Variants in BMPR2 observed in about 807,000 individuals in gnomAD.
BMPR2 encodes bone morphogenetic protein receptor type 2, also known as bone morphogenetic protein receptor type-2.
Under a neutral mutation model 100.8 loss-of-function variants are expected in BMPR2, and 29 were observed. The observed-to-expected ratio is 0.29, with a 90% CI of 0.21 to 0.39. The LOEUF is 0.39. BMPR2 is among the 10% of genes least tolerant of loss of function. The pLI is 1.00. For missense variants in BMPR2, 1,011 were observed against 1,274.5 expected (o/e 0.79, Z 3.15); for synonymous variants, 382 against 442.3 (o/e 0.86, Z 1.71).
In BMPR2 at chr2:202,409,251, A is replaced by G. The variant is rs555055142; in HGVS notation, c.76+31701A>G. On this transcript the variant is annotated intron_variant, in intron 1 of 12. Coordinates refer to ENST00000374580, the MANE Select transcript of BMPR2 (RefSeq NM_001204.7). ...TCACAGCTATTTGGGTGGCTATGGC[A>G]TGAGAATCACTTGAACCCAGAAGGC... is the stretch of plus-strand genomic sequence containing the variant. 2.0e-3 allele frequency among the ~76,000 whole-genome samples: 305 copies of G among 152,318 alleles called. 2 individuals carry two copies. Among genetic ancestry groups the G allele is most frequent in the African/African-American group, 7.0e-3 (290 of 41,580 alleles).
intron 10 of BMPR2, among the ~76,000 whole-genome samples, chr2:202,544,064 C>T (rs549567209): frequency 7.9e-5 from 12 of 152,174 alleles, no homozygotes; most frequent in Admixed American, 6.5e-5. Flanking sequence ...ATTGCTTGAA[C>T]CCCAGAGGTG....
At chr2:202,492,715 A>G (rs1326076230) in intron 3 of BMPR2, among the ~76,000 whole-genome samples, 1 of 149,932 alleles carries the variant, frequency 6.7e-6, no homozygotes, top group Non-Finnish European at 1.5e-5. Flanking sequence ...AAAAAAAAAA[A>G]AAAAAAAACC....
At chr2:202,498,218 T>G (rs187538661) in intron 3 of BMPR2, among the ~76,000 whole-genome samples, 1 of 152,180 alleles carries the variant, frequency 6.6e-6, no homozygotes, top group Admixed American at 6.5e-5. Flanking sequence ...CCACTAAATC[T>G]GATTTTTCTC....
chr2:202,555,533 G>GT lies in BMPR2; in HGVS notation c.1869dup (p.Thr624TyrfsTer8). 6.2e-7 allele frequency: 1 copy of GT among 1,614,112 alleles called. No individual in the cohort carries two copies. The highest frequency in any genetic ancestry group is 1.1e-5 in the South Asian group (1 of 91,086). On this transcript the variant is annotated frameshift_variant, in exon 12 of 13. Coordinates refer to ENST00000374580, the MANE Select transcript of BMPR2 (RefSeq NM_001204.7). LOFTEE classifies it high-confidence loss of function. ...ACAAACACCACAGGACTCACGCCAA[G>GT]TACTGGCATGACTACTATATCTGAG...
At chr2:202,409,111 G>A (rs1278699813) in intron 1 of BMPR2, among the ~76,000 whole-genome samples, 1 of 152,174 alleles carries the variant, frequency 6.6e-6, no homozygotes, top group Non-Finnish European at 1.5e-5. Flanking sequence ...TTGAGAGGCC[G>A]AGGTGGGTGA....
intron 6 of BMPR2, among the ~76,000 whole-genome samples, chr2:202,519,536 G>A (rs1477516965): frequency 2.0e-5 from 3 of 152,008 alleles, no homozygotes; most frequent in South Asian, 2.1e-4. Context: ...TGTTTGTTTC[G>A]CTGTCTCCTC....
At chr2:202,498,081 C>T (rs951724664) in intron 3 of BMPR2, among the ~76,000 whole-genome samples, 4 of 152,220 alleles carry the variant, frequency 2.6e-5, no homozygotes, top group Non-Finnish European at 4.4e-5. Context: ...CCCTTCCCTC[C>T]CTCAGGGTGT....
chr2:202,490,660 C>G (rs987180403), intron 3 of BMPR2, among the ~76,000 whole-genome samples: 1 of 152,172 alleles, frequency 6.6e-6, no homozygotes, highest in Non-Finnish European at 1.5e-5. Flanking sequence ...TCCAGTGCTT[C>G]TAAGCAGGAC....
intron 3 of BMPR2, among the ~76,000 whole-genome samples, chr2:202,474,028 C>G (rs774400666): frequency 5.9e-5 from 9 of 151,264 alleles, no homozygotes; most frequent in Non-Finnish European, 1.0e-4. Context: ...TTCCTTGAAC[C>G]CAGGAGGCAG....
chr2:202,397,430 G>A (rs1342894233), intron 1 of BMPR2, among the ~76,000 whole-genome samples: 1 of 151,852 alleles, frequency 6.6e-6, no homozygotes, highest in Non-Finnish European at 1.5e-5. Context: ...AAGAAAGTCA[G>A]TCTCTGGTTT....
Position 202,495,568 on chromosome 2 carries a change from G to A in BMPR2, c.419-18151G>A, listed in dbSNP as rs1693008178. 1.3e-5 allele frequency among the ~76,000 whole-genome samples: 2 copies of A among 152,044 alleles called. No homozygotes were observed. The highest frequency in any genetic ancestry group is 1.5e-5 in the Non-Finnish European group (1 of 68,004). ...GGATGGGGACATGGCGGGTCCGGGT[G>A]GTCTTGGAAATGCAACATTTGGACG... On this transcript the variant is annotated intron_variant, in intron 3 of 12. Transcript: ENST00000374580. This position sits in a 1 kb window ranked among gnomAD's most constrained non-coding sequence, Gnocchi z 4.5.
At chr2:202,501,070 G>A (rs531387112) in intron 3 of BMPR2, among the ~76,000 whole-genome samples, 10 of 152,274 alleles carry the variant, frequency 6.6e-5, no homozygotes, top group Admixed American at 1.3e-4. Flanking sequence ...CGGAAGCCTC[G>A]TGCCAGCAGG....
chr2:202,447,939 C>G (rs1387665271), intron 1 of BMPR2, among the ~76,000 whole-genome samples: 1 of 150,166 alleles, frequency 6.7e-6, no homozygotes, highest in African/African-American at 2.5e-5. Flanking sequence ...AGGATGGCCA[C>G]CCATTGCAAC....
At position 202,567,523 on chromosome 2, in the gene BMPR2, CT is replaced by C. The variant is rs1688784343; in HGVS notation, c.*7581del. ...GTATAAAATAAAGCAAATCACTTTT[CT>C]TTTGTATTATCTATGGATGCCACTA... On this transcript the variant is annotated 3_prime_UTR_variant, in exon 13 of 13. Transcript: ENST00000374580. 6.6e-6 allele frequency: 1 copy of C among 152,508 alleles called. No individual in the cohort carries two copies. The highest frequency in any genetic ancestry group is 1.5e-5 in the Non-Finnish European group (1 of 68,012). The allele number at this position is 152,508 out of a possible 1,614,324, so 9.4% of individuals were successfully genotyped here. A position where few individuals can be genotyped will look rare whatever the true frequency, so the allele number is the denominator to read the frequency against.
chr2:202,412,279 G>A (rs934951079), intron 1 of BMPR2, among the ~76,000 whole-genome samples: 6 of 152,052 alleles, frequency 3.9e-5, no homozygotes, highest in African/African-American at 7.2e-5. Context: ...GAAACAAAAC[G>A]AAATCACCAA....
rs1405963603 is a variant in BMPR2 at position 202,448,958 on chromosome 2, TG to T, written c.77-15850del. 8.7e-4 allele frequency among the ~76,000 whole-genome samples: 132 copies of T among 151,418 alleles called. 1 individual carries two copies. The East Asian group carries it at 0.011, about 13-fold the overall frequency. ...GTGTGTGTGTGTGTGTGTGTGTGTG[TG>T]TGTATTTTTTGTTTTAATCAGCTTT... On this transcript the variant is annotated intron_variant, in intron 1 of 12. Coordinates refer to ENST00000374580, the MANE Select transcript of BMPR2 (RefSeq NM_001204.7).
rs1484139145 is a variant in BMPR2 at position 202,434,916 on chromosome 2, T to A, written c.77-29893T>A. On this transcript the variant is annotated intron_variant, in intron 1 of 12. Transcript: ENST00000374580. ...AAAAAAAAAAAAAAAAAAATATATA[T>A]ATATATATATATATATATATTTATT... 1.5e-3 allele frequency among the ~76,000 whole-genome samples: 128 copies of A among 87,392 alleles called. 1 individual carries two copies. Among genetic ancestry groups the A allele is most frequent in the Non-Finnish European group, 2.1e-3 (94 of 44,212 alleles). The allele number at this position is 87,392 out of a possible 152,430, so 57.3% of individuals were successfully genotyped here.
intron 1 of BMPR2, among the ~76,000 whole-genome samples, chr2:202,387,202 A>G (rs535089680): frequency 7.2e-5 from 11 of 152,184 alleles, no homozygotes; most frequent in Non-Finnish European, 1.6e-4. Flanking sequence ...TTTAGAAGAG[A>G]TTAGGTTTAA....
Position 202,376,750 on chromosome 2 carries a change from C to A in BMPR2, c.-725C>A, listed in dbSNP as rs1163212391. On this transcript the variant is annotated 5_prime_UTR_variant, in exon 1 of 13. Coordinates refer to ENST00000374580, the MANE Select transcript of BMPR2 (RefSeq NM_001204.7). The stretch of plus-strand genomic sequence containing the variant: ...CGCCTGCCGTCTCGGGGAGCCCGGA[C>A]CGGGGCCGCGACCGCGACCCCTCCC... Among the ~76,000 whole-genome samples, 1 of 150,646 alleles carries A rather than the reference C, an allele frequency of 6.6e-6. No individual in the cohort carries two copies. Among genetic ancestry groups the A allele is most frequent in the Non-Finnish European group, 1.5e-5 (1 of 67,660 alleles).
Sources: gnomAD v4.1 joint callset for allele counts (sites outside exome capture counted in the v4.1 genomes callset) on GRCh38, gnomAD v4.1.1 for gene constraint, Gnocchi (gnomAD v3.1) non-coding constraint, MANE v1.5 for transcripts, NCBI Gene and HGNC (gene_info 2026-07-23, HGNC 2026-07-21) for gene names.